The following MIER2 variants were observed in gnomAD, a reference collection of about 807,000 sequenced individuals.
MIER2 encodes MIER family member 2, also known as mesoderm induction early response protein 2.
A neutral mutation model predicts 67.6 loss-of-function variants in MIER2; 30 were observed. That is an observed-to-expected ratio of 0.44 (90% confidence interval 0.33 to 0.60). The LOEUF is 0.60. Ranked by LOEUF, MIER2 falls within the 20% of genes least tolerant of loss-of-function variation. MIER2 has a pLI of 0.02. For missense variants in MIER2, 702 were observed against 745.1 expected (o/e 0.94, Z 0.67); for synonymous variants, 372 against 312.6 (o/e 1.19, Z -2.00).
At position 306,725 on chromosome 19, in the gene MIER2, A is replaced by T. The variant is rs1382599767; in HGVS notation, c.1617-14T>A. The T allele has an allele frequency of 3.8e-6, 6 of 1,558,776 alleles. No homozygotes were observed. Among genetic ancestry groups the T allele is most frequent in the Middle Eastern group, 3.3e-4 (2 of 6,006 alleles). On this transcript the variant is annotated splice_polypyrimidine_tract_variant and intron_variant, in intron 13 of 13. Transcript: ENST00000264819. ...ATCACGTTACAGCTGCAGGGGAGAGACCAAGAGAGACGCAGAGAGTGTCAG... is the reference window on the plus strand; with the variant it reads ...ATCACGTTACAGCTGCAGGGGAGAGTCCAAGAGAGACGCAGAGAGTGTCAG...
chr19:338,992 T>C (rs189877098), intron 1 of MIER2, among the ~76,000 whole-genome samples: 109 of 151,520 alleles, frequency 7.2e-4, no homozygotes, highest in African/African-American at 2.5e-3. Flanking sequence ...AACCTTTTGA[T>C]TGAATCTAAA....
At chr19:323,294 A>G (rs1391357522) in intron 7 of MIER2, among the ~76,000 whole-genome samples, 2 of 135,936 alleles carry the variant, frequency 1.5e-5, no homozygotes, top group Non-Finnish European at 3.3e-5. Flanking sequence ...CAAACCAAGG[A>G]CCACAACGCA....
In MIER2 at chr19:306,707, T is replaced by C; in HGVS notation, c.1621A>G (p.Asn541Asp). The change falls in exon 14 of 14, where the codon AAC becomes GAC. Residue 541 changes from asparagine to aspartate, a missense_variant. By Grantham distance (23) the Asn-to-Asp change is conservative. Transcript: ENST00000264819. ...GCCAGGAGTCAGCAGGTCATCACGT[T>C]ACAGCTGCAGGGGAGAGACCAAGAG... ...GLHSEPLSHC[N>D]VMTC The C allele has an allele frequency of 4.5e-6, 7 of 1,560,848 alleles. No homozygotes were observed. The highest frequency in any genetic ancestry group is 6.1e-6 in the Non-Finnish European group (7 of 1,152,520).
intron 7 of MIER2, among the ~76,000 whole-genome samples, chr19:323,580 ACAT>A (rs1189655721): frequency 2.0e-5 from 3 of 151,472 alleles, no homozygotes; most frequent in African/African-American, 4.9e-5. Flanking sequence ...CAAATGACAG[ACAT>A]CATCACCATG....
chr19:339,079 C>CAA lies in MIER2; in HGVS notation c.10-2908_10-2907dup, dbSNP rs572597641. 3.2e-3 allele frequency among the ~76,000 whole-genome samples: 236 copies of CAA among 74,612 alleles called. 2 individuals are homozygous for CAA. The highest frequency in any genetic ancestry group is 8.6e-3 in the African/African-American group (214 of 24,910). The allele number at this position is 74,612 out of a possible 152,430, so 48.9% of individuals were successfully genotyped here. A position where few individuals can be genotyped will look rare whatever the true frequency, so the allele number is the denominator to read the frequency against. On this transcript the variant is annotated intron_variant, in intron 1 of 13. Transcript: ENST00000264819. ...ATAAGACACCAAAATCACAAGTGAC[C>CAA]AAAAAAAAAAAAAAAAACCAAATGG...
At chr19:314,370 G>A (rs927577938) in intron 7 of MIER2, among the ~76,000 whole-genome samples, 4 of 152,220 alleles carry the variant, frequency 2.6e-5, no homozygotes, top group Admixed American at 2.6e-4. Flanking sequence ...ACGTGACTGG[G>A]GACAAGGCAG....
At chr19:315,889 C>A (rs1971216753) in intron 7 of MIER2, among the ~76,000 whole-genome samples, 1 of 152,226 alleles carries the variant, frequency 6.6e-6, no homozygotes, top group Admixed American at 6.5e-5. Context: ...TGCACAGGCA[C>A]AGGAGAGCCA....
chr19:307,288 T>C lies in MIER2; in HGVS notation c.1447A>G (p.Ile483Val). 1 of 1,599,472 alleles carries C rather than the reference T, an allele frequency of 6.3e-7. No homozygotes were observed. Among genetic ancestry groups the C allele is most frequent in the Non-Finnish European group, 8.5e-7 (1 of 1,173,734 alleles). Residue 483 changes from isoleucine (I) to valine (V), a missense_variant, in exon 13 of 14, where the codon ATC becomes GTC. Coordinates refer to ENST00000264819, the MANE Select transcript of MIER2 (RefSeq NM_017550.3). The part of the protein sequence containing the change: ...DFALPKELPL[I>V]SSHVDLSGDP... ...CCGCTGAGGTCCACATGGCTGGAGA[T>C]GAGGGGCAGCTCCTTGGGCAGGGCG... is the stretch of plus-strand genomic sequence containing the variant.
intron 2 of MIER2, among the ~76,000 whole-genome samples, chr19:335,280 G>A (rs1352429445): frequency 1.3e-5 from 2 of 152,256 alleles, no homozygotes; most frequent in African/African-American, 4.8e-5. Flanking sequence ...GGCCTCTAGG[G>A]CAGCCACACA....
intron 10 of MIER2, among the ~76,000 whole-genome samples, chr19:310,296 C>T (rs1045922385): frequency 7.2e-5 from 11 of 152,344 alleles, no homozygotes; most frequent in Admixed American, 2.0e-4. Context: ...CTCACCGCTG[C>T]GAGAACAACG....
chr19:317,302 C>T (rs1008561836), intron 7 of MIER2, among the ~76,000 whole-genome samples: 29 of 151,818 alleles, frequency 1.9e-4, no homozygotes, highest in South Asian at 1.2e-3. Context: ...CTGAGGCGGG[C>T]GGATCACGAG....
chr19:309,345 C>T (rs994096715), intron 10 of MIER2, among the ~76,000 whole-genome samples: 3 of 152,122 alleles, frequency 2.0e-5, no homozygotes, highest in East Asian at 1.9e-4. Flanking sequence ...TGACAACCCC[C>T]GGGTCCACAG....
At position 308,479 on chromosome 19, in the gene MIER2, C is replaced by T; in HGVS notation, c.1198+98G>A. The T allele has an allele frequency of 7.6e-7, 1 of 1,320,058 alleles. No individual in the cohort carries two copies. The highest frequency in any genetic ancestry group is 2.5e-5 in the East Asian group (1 of 39,410). 81.8% of individuals were successfully genotyped at this position (1,320,058 alleles called of 1,614,324 possible). ...CCCACTCCTCCTGGCGAGGCTGGCCCAGCACAGGGCGCCAGGCAGGAGAGG... is the reference window on the plus strand; with the variant it reads ...CCCACTCCTCCTGGCGAGGCTGGCCTAGCACAGGGCGCCAGGCAGGAGAGG... On this transcript the variant is annotated intron_variant, in intron 12 of 13. Coordinates refer to ENST00000264819, the MANE Select transcript of MIER2 (RefSeq NM_017550.3). The surrounding 1 kb of genome is among the most constrained non-coding windows in gnomAD (Gnocchi z 9.1).
intron 3 of MIER2, among the ~76,000 whole-genome samples, chr19:332,686 G>A (rs1415942721): frequency 2.6e-5 from 3 of 114,692 alleles, no homozygotes; most frequent in Admixed American, 9.8e-5. Context: ...CGCCTACCTC[G>A]GCCTCCCAAA....
intron 1 of MIER2, among the ~76,000 whole-genome samples, chr19:336,895 T>C (rs2145544111): frequency 6.6e-6 from 1 of 152,052 alleles, no homozygotes; most frequent in Non-Finnish European, 1.5e-5. Context: ...CAGGCTGGAG[T>C]GCAGTGGCGC....
intron 3 of MIER2, among the ~76,000 whole-genome samples, chr19:329,847 C>T (rs966312017): frequency 2.4e-5 from 3 of 125,196 alleles, no homozygotes; most frequent in African/African-American, 3.2e-5. Flanking sequence ...GCCTAGGTGA[C>T]GAGAGCAATA....
At chr19:344,676 C>A (rs1420184639) in intron 1 of MIER2, 98 bp downstream of exon 1, 1 of 809,156 alleles carries the variant, frequency 1.2e-6, no homozygotes, top group Non-Finnish European at 1.6e-6. Flanking sequence ...CAGAGCGGGG[C>A]TCTCCGTCCC....
chr19:335,906 C>T (rs1288198966), intron 2 of MIER2, among the ~76,000 whole-genome samples, 177 bp downstream of exon 2: 3 of 152,112 alleles, frequency 2.0e-5, no homozygotes, highest in Non-Finnish European at 4.4e-5. Context: ...AACAGGAAGA[C>T]GGGAGTCCTG....
At chr19:310,685 A>ACGGCCCG (rs1218284718) in intron 10 of MIER2, among the ~76,000 whole-genome samples, 19 of 55,476 alleles carry the variant, frequency 3.4e-4, no homozygotes, top group African/African-American at 9.4e-4. Context: ...AACACAGCCC[A>ACGGCCCG]GAGCTATAGA....
Sources: gnomAD v4.1 joint callset for allele counts (sites outside exome capture counted in the v4.1 genomes callset) on GRCh38, gnomAD v4.1.1 for gene constraint, Gnocchi (gnomAD v3.1) non-coding constraint, MANE v1.5 for transcripts, NCBI Gene and HGNC (gene_info 2026-07-23, HGNC 2026-07-21) for gene names.